Variants in MORF4L1 observed in about 807,000 individuals in gnomAD.
The protein encoded by MORF4L1 is mortality factor 4 like 1.
A neutral mutation model predicts 52.9 loss-of-function variants in MORF4L1; 4 were observed. The observed-to-expected ratio is 0.08, with a 90% CI of 0.04 to 0.17. The LOEUF (loss-of-function observed/expected upper bound fraction) is 0.17, where lower values mean the gene tolerates loss of function less well. Ranked by LOEUF, MORF4L1 falls within the 10% of genes least tolerant of loss-of-function variation. The pLI is 1.00. For missense variants in MORF4L1, 214 were observed against 390.4 expected (o/e 0.55, Z 3.81); for synonymous variants, 123 against 134.8 (o/e 0.91, Z 0.61).
chr15:78,893,727 C>G, intron 9 of MORF4L1, 100 bp downstream of exon 9: 1 of 795,798 alleles, frequency 1.3e-6, no homozygotes, highest in South Asian at 1.9e-5. Flanking sequence ...ATTAATACCA[C>G]CAGAAACTAG....
At chr15:78,876,374 T>G (rs2056491463) in intron 1 of MORF4L1, 1 of 340,122 alleles carries the variant, frequency 2.9e-6, no homozygotes, top group Admixed American at 3.6e-5. Flanking sequence ...AGTGATTGCT[T>G]TGCACTGGAC....
At chr15:78,873,101 G>A in intron 1 of MORF4L1, 44 bp downstream of exon 1, 1 of 1,549,128 alleles carries the variant, frequency 6.5e-7, no homozygotes, top group Non-Finnish European at 8.7e-7. Context: ...CGGCGCAGGA[G>A]ATAGAGGCGG....
chr15:78,884,831 T>G (rs1454127219), intron 3 of MORF4L1: 1 of 488,918 alleles, frequency 2.0e-6, no homozygotes, highest in Non-Finnish European at 3.6e-6. Context: ...TGATGGAGAT[T>G]TCTAAATTTT....
intron 5 of MORF4L1, 44 bp downstream of exon 5, chr15:78,887,393 T>C: frequency 2.0e-6 from 3 of 1,511,896 alleles, no homozygotes; most frequent in Middle Eastern, 1.7e-4. Flanking sequence ...TATGTGAAGA[T>C]AATATTTTAT....
chr15:78,893,649 A>G (rs2056837189), intron 9 of MORF4L1, 22 bp downstream of exon 9: 1 of 1,464,868 alleles, frequency 6.8e-7, no homozygotes, highest in Admixed American at 1.9e-5. Context: ...CATTTTTCAG[A>G]TGACACTCAA....
chr15:78,884,430 A>G (rs1567307245), intron 3 of MORF4L1, among the ~76,000 whole-genome samples: 1 of 152,018 alleles, frequency 6.6e-6, no homozygotes, highest in Non-Finnish European at 1.5e-5. Flanking sequence ...ACCTGAGGCT[A>G]GGAGTTCGAG....
chr15:78,885,082 A>G (rs749323027), intron 3 of MORF4L1: 2 of 1,593,342 alleles, frequency 1.3e-6, no homozygotes, highest in East Asian at 2.2e-5. Flanking sequence ...CCTGACCTCT[A>G]GGTAAATGCA....
At chr15:78,892,402 T>G in intron 8 of MORF4L1, 89 bp downstream of exon 8, 1 of 817,694 alleles carries the variant, frequency 1.2e-6, no homozygotes, top group South Asian at 1.6e-5. Context: ...TATATTGACT[T>G]GAATTATTAA....
intron 1 of MORF4L1, 140 bp downstream of exon 1, chr15:78,873,197 C>G (rs1232962161): frequency 1.3e-6 from 2 of 1,515,364 alleles, no homozygotes; most frequent in Non-Finnish European, 1.8e-6. Context: ...GCGGGGAAAG[C>G]GCATTGCGGA....
intron 6 of MORF4L1, 142 bp downstream of exon 6, chr15:78,891,156 A>T (rs1446839747): frequency 9.3e-7 from 1 of 1,072,418 alleles, no homozygotes; most frequent in Non-Finnish European, 1.4e-6. Context: ...GTTATAAAAT[A>T]GGTACATGGT....
intron 1 of MORF4L1, 43 bp from the exon 2 acceptor site, chr15:78,878,170 T>C (rs1377870949): frequency 1.3e-6 from 2 of 1,574,704 alleles, no homozygotes; most frequent in Non-Finnish European, 1.7e-6. Context: ...TCTTTTTATA[T>C]ATGAGAAGAA....
chr15:78,877,184 G>T (rs1051559747), intron 1 of MORF4L1, among the ~76,000 whole-genome samples: 1 of 134,394 alleles, frequency 7.4e-6, no homozygotes, highest in Non-Finnish European at 1.5e-5. Context: ...GCGGTGACAA[G>T]ATCTTAGCTC....
chr15:78,889,072 A>C (rs1344514954), intron 5 of MORF4L1, among the ~76,000 whole-genome samples: 1 of 152,252 alleles, frequency 6.6e-6, no homozygotes, highest in African/African-American at 2.4e-5. Context: ...TAGTATGCCC[A>C]TAAGTTATTT....
chr15:78,886,516 G>A, intron 4 of MORF4L1: 1 of 295,654 alleles, frequency 3.4e-6, no homozygotes, highest in East Asian at 5.8e-5. Flanking sequence ...TTATTTTCGG[G>A]GGCTCTGGAA....
At chr15:78,882,376 G>T (rs1046000325) in intron 3 of MORF4L1, among the ~76,000 whole-genome samples, 2 of 151,110 alleles carry the variant, frequency 1.3e-5, no homozygotes, top group Admixed American at 6.7e-5. Flanking sequence ...ATAATGATAG[G>T]TAACTCCAAC....
chr15:78,873,316 T>C (rs2056405687), intron 1 of MORF4L1: 1 of 1,145,038 alleles, frequency 8.7e-7, no homozygotes, highest in Non-Finnish European at 1.2e-6. Flanking sequence ...CCTCGTCAAG[T>C]GTTTGTTATT....
chr15:78,882,897 T>C lies in MORF4L1; in HGVS notation c.155+2318T>C, dbSNP rs900348220. 3.3e-5 allele frequency among the ~76,000 whole-genome samples: 5 copies of C among 152,122 alleles called. No individual in the cohort carries two copies. In the East Asian group the frequency reaches 5.8e-4, roughly 18 times the overall value. On this transcript the variant is annotated intron_variant, in intron 3 of 11. Coordinates refer to ENST00000426013, the MANE Select transcript of MORF4L1 (RefSeq NM_006791.4). ...GCAACATAGGTAGACACCCCTCTTA[T>C]AATTAAGCAAATAAAAATTTTAAAA...
chr15:78,877,537 C>G (rs765877969), intron 1 of MORF4L1, among the ~76,000 whole-genome samples: 4 of 152,210 alleles, frequency 2.6e-5, no homozygotes, highest in Admixed American at 2.6e-4. Context: ...TCAAGCTACA[C>G]TCAAATGTAA....
chr15:78,887,510 C>T (rs1033924544), intron 5 of MORF4L1, 161 bp downstream of exon 5: 24 of 528,844 alleles, frequency 4.5e-5, no homozygotes, highest in African/African-American at 2.9e-4. Flanking sequence ...TTTAAAATAA[C>T]GTATTCCTTA....
Sources: gnomAD v4.1 joint callset for allele counts (sites outside exome capture counted in the v4.1 genomes callset) on GRCh38, gnomAD v4.1.1 for gene constraint, MANE v1.5 for transcripts, NCBI Gene and HGNC (gene_info 2026-07-23, HGNC 2026-07-21) for gene names.